TCF12: variants seen among roughly 807,000 people sequenced by gnomAD.
The protein encoded by TCF12 is transcription factor 12, also known as DNA-binding protein HTF4.
Under a neutral mutation model 86.0 loss-of-function variants are expected in TCF12, and 45 were observed. The observed-to-expected ratio is 0.52, with a 90% confidence interval of 0.41 to 0.67. The LOEUF (loss-of-function observed/expected upper bound fraction) is 0.67. Among genes scored for constraint, TCF12 ranks in the 30% least tolerant of loss-of-function variants. The probability of loss-of-function intolerance (pLI) is 0.00; values close to 1 mark genes in which losing one functional copy is unlikely to be tolerated. For missense variants in TCF12, 881 were observed against 859.9 expected, an observed-to-expected ratio of 1.02 and a Z score of -0.31; for synonymous variants, 330 against 299.6, an observed-to-expected ratio of 1.10 and a Z score of -1.05.
chr15:57,236,329 A>T (rs985585648), intron 12 of TCF12, among the ~76,000 whole-genome samples: 6 of 152,214 alleles, frequency 3.9e-5, no homozygotes, highest in Non-Finnish European at 7.3e-5. Context: ...GAAAAACATT[A>T]CATTATCTGG....
chr15:57,165,695 C>T (rs1404609527), intron 5 of TCF12, among the ~76,000 whole-genome samples: 3 of 151,952 alleles, frequency 2.0e-5, no homozygotes, highest in African/African-American at 7.3e-5. Context: ...TACCACCATG[C>T]CTGGCTAATT....
At chr15:57,020,282 A>G (rs2065398192) in intron 3 of TCF12, among the ~76,000 whole-genome samples, 1 of 152,200 alleles carries the variant, frequency 6.6e-6, no homozygotes, top group South Asian at 2.1e-4. Context: ...GGATAGGAAC[A>G]GAAGCAAATG....
chr15:56,995,915 G>A (rs1302633778), intron 3 of TCF12, among the ~76,000 whole-genome samples: 3 of 152,144 alleles, frequency 2.0e-5, no homozygotes, highest in Non-Finnish European at 4.4e-5. Flanking sequence ...GATATTAGCT[G>A]TGGGTTTATC....
At chr15:57,271,129 G>A (rs2061121153) in intron 18 of TCF12, among the ~76,000 whole-genome samples, 1 of 152,210 alleles carries the variant, frequency 6.6e-6, no homozygotes, top group African/African-American at 2.4e-5. Context: ...TTTAAGTCTG[G>A]AGAAACTGTC....
intron 3 of TCF12, among the ~76,000 whole-genome samples, chr15:56,927,218 G>A (rs2060053318): frequency 6.6e-6 from 1 of 152,134 alleles, no homozygotes; most frequent in Non-Finnish European, 1.5e-5. Flanking sequence ...TGGCTAATTT[G>A]GAGATGTATG....
intron 5 of TCF12, among the ~76,000 whole-genome samples, chr15:57,152,783 C>A (rs777988060): frequency 6.6e-6 from 1 of 151,728 alleles, no homozygotes; most frequent in African/African-American, 2.4e-5. Flanking sequence ...AGATAATGGC[C>A]AAGAATTTCC....
At chr15:57,060,219 G>C (rs2068357772) in intron 3 of TCF12, among the ~76,000 whole-genome samples, 1 of 140,328 alleles carries the variant, frequency 7.1e-6, no homozygotes, top group African/African-American at 3.2e-5. Context: ...TTTCACAAAA[G>C]AAAGAGGCGG....
chr15:57,080,657 T>TG (rs2070555778), intron 4 of TCF12, among the ~76,000 whole-genome samples: 1 of 152,168 alleles, frequency 6.6e-6, no homozygotes, highest in Non-Finnish European at 1.5e-5. Flanking sequence ...ACCCAAAAGA[T>TG]TTTGATATCT....
chr15:56,945,529 G>C (rs1595792830), intron 3 of TCF12, among the ~76,000 whole-genome samples: 2 of 152,064 alleles, frequency 1.3e-5, no homozygotes, highest in Middle Eastern at 3.4e-3. Flanking sequence ...TAGAATTCTA[G>C]ATTGACCTTT....
intron 8 of TCF12, among the ~76,000 whole-genome samples, chr15:57,210,423 G>A (rs964203285): frequency 6.6e-6 from 1 of 151,748 alleles, no homozygotes; most frequent in Non-Finnish European, 1.5e-5. Flanking sequence ...ACACTTTTCA[G>A]GGAGGAAAAG....
rs895371382 is a variant in TCF12 at position 57,253,537 on chromosome 15, C to A, written c.1467+69C>A. ...TTGTCCTAAATGTCTTTAATGAAATCTTTGGGAAGAGGATCTTTCTGAAAG... is the reference window on the plus strand; with the variant it reads ...TTGTCCTAAATGTCTTTAATGAAATATTTGGGAAGAGGATCTTTCTGAAAG... On this transcript the variant is annotated intron_variant, in intron 16 of 20. Transcript: ENST00000333725. 8 of 1,548,830 alleles carry A rather than the reference C, an allele frequency of 5.2e-6. No individual in the cohort carries two copies. In the South Asian group the frequency reaches 9.2e-5, roughly 18 times the overall value.
chr15:57,123,088 G>T (rs2051353710), intron 5 of TCF12, among the ~76,000 whole-genome samples: 1 of 152,172 alleles, frequency 6.6e-6, no homozygotes, highest in African/African-American at 2.4e-5. Flanking sequence ...AACAATGAAT[G>T]ATACAATAGT....
At chr15:57,020,583 A>G (rs978394526) in intron 3 of TCF12, among the ~76,000 whole-genome samples, 1 of 152,240 alleles carries the variant, frequency 6.6e-6, no homozygotes, top group Non-Finnish European at 1.5e-5. Flanking sequence ...TAGACAAGCA[A>G]TGTAGAGAAC....
At chr15:57,220,018 G>T (rs1204133134) in intron 8 of TCF12, among the ~76,000 whole-genome samples, 2 of 151,974 alleles carry the variant, frequency 1.3e-5, no homozygotes, top group African/African-American at 4.8e-5. Flanking sequence ...GAGCCACCGC[G>T]CCCAGCCTAG....
intron 3 of TCF12, among the ~76,000 whole-genome samples, chr15:57,017,482 A>G (rs1323563970): frequency 6.6e-6 from 1 of 152,250 alleles, no homozygotes; most frequent in African/African-American, 2.4e-5. Flanking sequence ...CAACAGAACC[A>G]TATGGGCAAA....
At chr15:56,920,204 T>G (rs941518041) in intron 2 of TCF12, among the ~76,000 whole-genome samples, 1 of 152,138 alleles carries the variant, frequency 6.6e-6, no homozygotes, top group Non-Finnish European at 1.5e-5. Flanking sequence ...CTTGCACATT[T>G]AAAACTTTAA....
At chr15:57,018,305 A>C (rs1348722425) in intron 3 of TCF12, among the ~76,000 whole-genome samples, 1 of 152,182 alleles carries the variant, frequency 6.6e-6, no homozygotes, top group Non-Finnish European at 1.5e-5. Flanking sequence ...GATTGGCTAT[A>C]CATTGTTAAG....
chr15:57,154,383 A>G (rs1223953777), intron 5 of TCF12, among the ~76,000 whole-genome samples: 1 of 152,202 alleles, frequency 6.6e-6, no homozygotes, highest in Non-Finnish European at 1.5e-5. Flanking sequence ...TTGTTACTAA[A>G]GTTACTAAAC....
intron 3 of TCF12, among the ~76,000 whole-genome samples, chr15:56,984,112 C>G: frequency 7.0e-6 from 1 of 143,774 alleles, no homozygotes; most frequent in South Asian, 2.2e-4. Flanking sequence ...GAGAAAGATA[C>G]GTTGTTCTTC....
Sources: gnomAD v4.1 joint callset for allele counts (sites outside exome capture counted in the v4.1 genomes callset) on GRCh38, gnomAD v4.1.1 for gene constraint, MANE v1.5 for transcripts, NCBI Gene and HGNC (gene_info 2026-07-23, HGNC 2026-07-21) for gene names.